Variants in IQUB observed in about 807,000 individuals in gnomAD.
IQUB encodes IQ motif and ubiquitin domain containing.
A neutral mutation model predicts 86.4 loss-of-function variants in IQUB; 86 were observed. That is an observed-to-expected ratio of 1.00 (90% CI 0.84 to 1.19). The LOEUF is 1.19. Among genes scored for constraint, IQUB ranks in the 50% most tolerant of loss-of-function variants. IQUB has a pLI of 0.00. For missense variants in IQUB, 946 were observed against 916.9 expected, an observed-to-expected ratio of 1.03 and a Z score of -0.41; for synonymous variants, 289 against 304.5, an observed-to-expected ratio of 0.95 and a Z score of 0.53.
At chr7:123,530,380 G>A (rs1183469684) in intron 1 of IQUB, among the ~76,000 whole-genome samples, 1 of 151,916 alleles carries the variant, frequency 6.6e-6, no homozygotes, top group East Asian at 1.9e-4. Flanking sequence ...AGGTTGCAGT[G>A]AGCTGAGATA....
Position 123,512,024 on chromosome 7 carries a change from T to A in IQUB, c.317A>T (p.Asp106Val). The change falls in exon 2 of 13, where the codon GAT (aspartate) becomes GTT (valine). Residue 106 changes from aspartate (D) to valine (V), a missense_variant. Coordinates refer to ENST00000324698, the MANE Select transcript of IQUB (RefSeq NM_178827.5). ...TTTATCCAGAAATGCCAAACTATCA[T>A]CATTTGGCCTCTGCATTGCATATTG... ...EKQYAMQRPN[D>V]DSLAFLDKIK... 3 of 1,613,474 alleles carry A rather than the reference T, an allele frequency of 1.9e-6. No individual in the cohort carries two copies. The highest frequency in any genetic ancestry group is 2.2e-5 in the South Asian group (2 of 91,006).
chr7:123,478,282 T>C (rs1239363975), intron 8 of IQUB, among the ~76,000 whole-genome samples: 1 of 150,202 alleles, frequency 6.7e-6, no homozygotes, highest in Non-Finnish European at 1.5e-5. Flanking sequence ...TTTGCAGGGA[T>C]GAAGCTGGAA....
chr7:123,509,781 T>A, intron 3 of IQUB, 120 bp downstream of exon 3: 1 of 839,172 alleles, frequency 1.2e-6, no homozygotes, highest in Non-Finnish European at 1.9e-6. Flanking sequence ...AGTGAATGCA[T>A]AACCACAATA....
intron 7 of IQUB, among the ~76,000 whole-genome samples, chr7:123,484,628 C>CA (rs925144615): frequency 1.5e-4 from 23 of 151,496 alleles, no homozygotes; most frequent in Middle Eastern, 3.4e-3. Context: ...TAGCTATTCT[C>CA]AAAAAAAATC....
At chr7:123,521,682 A>ACACACACACAC (rs55875229) in intron 1 of IQUB, among the ~76,000 whole-genome samples, 1 of 128,198 alleles carries the variant, frequency 7.8e-6, no homozygotes, top group African/African-American at 3.1e-5. Context: ...ACACACACAC[A>ACACACACACAC]GAGATCACAG....
intron 7 of IQUB, among the ~76,000 whole-genome samples, chr7:123,490,951 C>G (rs1321845010): frequency 1.4e-5 from 2 of 146,058 alleles, no homozygotes; most frequent in Non-Finnish European, 3.0e-5. Context: ...GCAACAAGAG[C>G]AAAACACCAT....
chr7:123,480,452 T>C (rs1794955916), intron 7 of IQUB, among the ~76,000 whole-genome samples: 1 of 152,118 alleles, frequency 6.6e-6, no homozygotes, highest in African/African-American at 2.4e-5. Context: ...AGCCTGACTA[T>C]ATGTGCCCAA....
intron 12 of IQUB, chr7:123,457,134 A>T: frequency 4.1e-6 from 4 of 967,376 alleles, no homozygotes; most frequent in Non-Finnish European, 4.9e-6. Context: ...GAATGTGCTT[A>T]AACTTACTAT....
intron 10 of IQUB, among the ~76,000 whole-genome samples, chr7:123,463,900 T>C (rs1794123180): frequency 3.3e-5 from 5 of 151,766 alleles, no homozygotes; most frequent in Admixed American, 3.3e-4. Context: ...AATGAAACAC[T>C]GGTTTGAGTA....
At chr7:123,462,900 G>A in intron 10 of IQUB, 2 of 450,562 alleles carry the variant, frequency 4.4e-6, no homozygotes, top group Non-Finnish European at 8.9e-6. Context: ...CTCCATTTAA[G>A]CTACAGAATT....
intron 1 of IQUB, among the ~76,000 whole-genome samples, chr7:123,528,012 T>C (rs1043593120): frequency 6.6e-6 from 1 of 152,202 alleles, no homozygotes; most frequent in African/African-American, 2.4e-5. Context: ...GGATATAATC[T>C]CCTGGTCCGC....
chr7:123,512,002 A>G lies in IQUB; in HGVS notation c.339T>C (p.Asp113=). ...AAGATTCCTTTACAGACTTTATTTT[A>G]TCCAGAAATGCCAAACTATCATCAT... ...RPNDDSLAFL[D]KIKSVKESLQ... Residue 113 remains aspartate, a synonymous_variant, in exon 2 of 13, where the codon GAT becomes GAC. Coordinates refer to ENST00000324698, the MANE Select transcript of IQUB (RefSeq NM_178827.5). 1 of 1,612,804 alleles carries G rather than the reference A, an allele frequency of 6.2e-7. No individual in the cohort carries two copies. The highest frequency in any genetic ancestry group is 1.1e-5 in the South Asian group (1 of 90,974).
intron 3 of IQUB, 56 bp from the exon 4 acceptor site, chr7:123,503,419 T>C (rs1448136504): frequency 3.1e-5 from 29 of 924,304 alleles, no homozygotes; most frequent in Non-Finnish European, 4.4e-5. Context: ...GGCTATTCAT[T>C]GATCTTATTT....
chr7:123,494,165 G>C (rs998816879), intron 7 of IQUB, among the ~76,000 whole-genome samples: 1 of 151,938 alleles, frequency 6.6e-6, no homozygotes, highest in African/African-American at 2.4e-5. Context: ...CGATAAAAGA[G>C]ATCACCCTCA....
chr7:123,500,629 A>G (rs1795902309), intron 6 of IQUB, among the ~76,000 whole-genome samples: 1 of 152,170 alleles, frequency 6.6e-6, no homozygotes. Context: ...TGTACTCCCT[A>G]TACCGGCTTT....
intron 8 of IQUB, among the ~76,000 whole-genome samples, chr7:123,473,715 A>G (rs1340560079): frequency 6.7e-6 from 1 of 149,552 alleles, no homozygotes; most frequent in African/African-American, 2.4e-5. Flanking sequence ...AGCTGGGATT[A>G]CAGGCACCCG....
At chr7:123,457,756 A>T (rs574798202) in intron 11 of IQUB, among the ~76,000 whole-genome samples, 190 bp from the exon 12 acceptor site, 34 of 152,096 alleles carry the variant, frequency 2.2e-4, no homozygotes, top group African/African-American at 7.5e-4. Flanking sequence ...TATCAGTCTC[A>T]CAGTTGCGTC....
rs150359350 is a variant in IQUB at position 123,521,651 on chromosome 7, AAC to A, written c.-4-9309_-4-9308del. Among the ~76,000 whole-genome samples the A allele has an allele frequency of 2.2e-3, 319 of 144,378 alleles. 2 individuals carry two copies. Among genetic ancestry groups the A allele is most frequent in the Admixed American group, 4.9e-3 (70 of 14,394 alleles). 94.7% of individuals were successfully genotyped at this position (144,378 alleles called of 152,430 possible). A position where few individuals can be genotyped will look rare whatever the true frequency, so the allele number is the denominator to read the frequency against. On this transcript the variant is annotated intron_variant, in intron 1 of 12. Transcript: ENST00000324698. ...GATGGAGTGAGACCCTGTCTAAATA[AAC>A]ACACACACACACACACACACACACA...
At chr7:123,518,813 C>T (rs1796769618) in intron 1 of IQUB, among the ~76,000 whole-genome samples, 1 of 152,012 alleles carries the variant, frequency 6.6e-6, no homozygotes, top group Non-Finnish European at 1.5e-5. Context: ...AGGCTGGTCT[C>T]AAACTCCTGA....
Sources: allele counts gnomAD v4.1 joint callset (sites outside exome capture counted in the v4.1 genomes callset), GRCh38; gene constraint gnomAD v4.1.1; transcripts MANE v1.5; gene names NCBI Gene and HGNC (gene_info 2026-07-23, HGNC 2026-07-21).